The following NIPBL variants were observed in gnomAD, a reference collection of about 807,000 sequenced individuals.
NIPBL encodes the protein NIPBL cohesin loading factor.
In NIPBL, 19 loss-of-function variants were observed where a neutral mutation model predicts 321.8. That is an observed-to-expected ratio of 0.06 (90% CI 0.04 to 0.09). NIPBL has a LOEUF of 0.09. NIPBL is among the 10% of genes least tolerant of loss of function. The pLI is 1.00. For synonymous variants in NIPBL, 1,106 were observed against 1,114.1 expected, an observed-to-expected ratio of 0.99 and a Z score of 0.14; for missense variants, 2,210 against 3,327.0, an observed-to-expected ratio of 0.66 and a Z score of 8.26.
intron 22 of NIPBL, 90 bp from the exon 23 acceptor site, chr5:37,015,948 C>A: frequency 7.5e-7 from 1 of 1,327,894 alleles, no homozygotes; most frequent in Non-Finnish European, 1.1e-6. Context: ...AAAAAGAAAA[C>A]TTAGCTAACA....
At chr5:37,027,872 G>A (rs1166801341) in intron 32 of NIPBL, among the ~76,000 whole-genome samples, 1 of 151,980 alleles carries the variant, frequency 6.6e-6, no homozygotes, top group African/African-American at 2.4e-5. Context: ...GCGTGCCTCG[G>A]CCTCCCAAAG....
In NIPBL at chr5:36,955,764, C is replaced by T. The variant is rs553498177; in HGVS notation, c.230+127C>T. 8.5e-5 allele frequency: 61 copies of T among 718,872 alleles called. 1 individual carries two copies. Among genetic ancestry groups the T allele is most frequent in the Admixed American group, 2.8e-4 (13 of 45,782 alleles). The allele number at this position is 718,872 out of a possible 1,614,324, so 44.5% of individuals were successfully genotyped here. A position where few individuals can be genotyped will look rare whatever the true frequency, so the allele number is the denominator to read the frequency against. ...TTTATTTTTTAAAAATATCCATATC[C>T]GAGGGAGAATATAGTCTTATTGCAA... On this transcript the variant is annotated intron_variant, in intron 3 of 46. Transcript: ENST00000282516.
chr5:37,002,739 A>G lies in NIPBL; in HGVS notation c.3742A>G (p.Ile1248Val), dbSNP rs990243890. ...TGAACTTGGCAGTGAATCTGCTAAA[A>G]TAAAAGCAATGGGTATAATGGATAA... ...LNELGSESAK[I>V]KAMGIMDKLS... The change falls in exon 15 of 47, where the codon ATA (isoleucine) becomes GTA (valine). Residue 1248 changes from isoleucine to valine, a missense_variant. Transcript: ENST00000282516. 2 of 1,603,080 alleles carry G rather than the reference A, an allele frequency of 1.2e-6. No individual in the cohort carries two copies. The highest frequency in any genetic ancestry group is 2.7e-5 in the African/African-American group (2 of 74,692).
Position 37,016,182 on chromosome 5 carries a change from G to T in NIPBL, c.4776+12G>T. ...TAGGGAGACTGTTGGTAAGAGTATA[G>T]CATTTAAAGATTATTAGATTACTAG... On this transcript the variant is annotated intron_variant, in intron 23 of 46. Coordinates refer to ENST00000282516, the MANE Select transcript of NIPBL (RefSeq NM_133433.4). The T allele has an allele frequency of 6.2e-7, 1 of 1,612,630 alleles. No homozygotes were observed. Among genetic ancestry groups the T allele is most frequent in the Non-Finnish European group, 8.5e-7 (1 of 1,178,762 alleles).
chr5:37,005,686 A>G (rs1747347463), intron 16 of NIPBL, among the ~76,000 whole-genome samples: 1 of 152,182 alleles, frequency 6.6e-6, no homozygotes, highest in Admixed American at 6.5e-5. Flanking sequence ...GTAGTCCTGT[A>G]ATATAGTTTA....
At chr5:37,042,535 T>C (rs1752518734) in intron 34 of NIPBL, among the ~76,000 whole-genome samples, 1 of 151,784 alleles carries the variant, frequency 6.6e-6, no homozygotes, top group Non-Finnish European at 1.5e-5. Flanking sequence ...CTCACACCTG[T>C]AATCCCAGCA....
intron 21 of NIPBL, among the ~76,000 whole-genome samples, chr5:37,013,479 T>G (rs1476434624): frequency 6.6e-6 from 1 of 151,136 alleles, no homozygotes; most frequent in Non-Finnish European, 1.5e-5. Flanking sequence ...GAGGGGCTCC[T>G]CACTTCTCAG....
chr5:36,971,122 T>A, intron 7 of NIPBL, 86 bp downstream of exon 7: 1 of 1,039,494 alleles, frequency 9.6e-7, no homozygotes, highest in Non-Finnish European at 1.5e-6. Context: ...ATTTGAATGA[T>A]ACCTACCGTA....
chr5:36,972,906 G>C (rs1013505973), intron 8 of NIPBL, among the ~76,000 whole-genome samples: 1 of 151,888 alleles, frequency 6.6e-6, no homozygotes, highest in Non-Finnish European at 1.5e-5. Context: ...TCTTCCATGG[G>C]CCCTCCCCTA....
intron 1 of NIPBL, among the ~76,000 whole-genome samples, chr5:36,910,824 T>A (rs2149545447): frequency 6.6e-6 from 1 of 152,050 alleles, no homozygotes; most frequent in East Asian, 1.9e-4. Flanking sequence ...GAAGGGAGAG[T>A]GTTAACAAAA....
At chr5:36,931,903 G>A (rs552105519) in intron 1 of NIPBL, among the ~76,000 whole-genome samples, 10 of 151,094 alleles carry the variant, frequency 6.6e-5, no homozygotes, top group East Asian at 1.9e-4. Context: ...ACTGATTCGA[G>A]GCTGTTCTTT....
chr5:36,984,138 C>T (rs1744460286), intron 9 of NIPBL, among the ~76,000 whole-genome samples: 1 of 151,852 alleles, frequency 6.6e-6, no homozygotes, highest in Non-Finnish European at 1.5e-5. Flanking sequence ...TTTTTAAATT[C>T]ATTTTTTCCC....
At chr5:36,961,640 G>C in intron 5 of NIPBL, 57 bp downstream of exon 5, 1 of 1,051,414 alleles carries the variant, frequency 9.5e-7, no homozygotes, top group Non-Finnish European at 1.5e-6. Context: ...ATATGCTGGT[G>C]AATATATGGT....
rs1747949744 is a variant in NIPBL, at chr5:37,010,233, A to G, written c.4560+8A>G. On this transcript the variant is annotated splice_region_variant and intron_variant, in intron 21 of 46. Coordinates refer to ENST00000282516, the MANE Select transcript of NIPBL (RefSeq NM_133433.4). Reference sequence around the variant, plus strand: ...GAAGATTCAAATAAAAAAGTAAGGAATCTATTAAAGGTTTTACAACTGTAC... The same window carrying G: ...GAAGATTCAAATAAAAAAGTAAGGAGTCTATTAAAGGTTTTACAACTGTAC... The G allele has an allele frequency of 1.3e-6, 2 of 1,592,628 alleles. No individual in the cohort carries two copies. Among genetic ancestry groups the G allele is most frequent in the South Asian group, 2.2e-5 (2 of 90,536 alleles).
At chr5:36,979,840 GT>G (rs1274817826) in intron 9 of NIPBL, among the ~76,000 whole-genome samples, 1 of 151,720 alleles carries the variant, frequency 6.6e-6, no homozygotes, top group African/African-American at 2.4e-5. Context: ...AGGATAGCCA[GT>G]TTTGCAGGAA....
At chr5:36,957,161 T>TTAA (rs1460829481) in intron 3 of NIPBL, among the ~76,000 whole-genome samples, 1 of 152,176 alleles carries the variant, frequency 6.6e-6, no homozygotes, top group East Asian at 1.9e-4. Context: ...CTGCCTATAC[T>TTAA]TAATTTTATC....
chr5:36,885,385 C>T (rs927976369), intron 1 of NIPBL: 8 of 454,488 alleles, frequency 1.8e-5, no homozygotes, highest in African/African-American at 1.0e-4. Context: ...GCTTGGGGTC[C>T]AGGGGCCTGG....
At chr5:36,899,407 CTG>C (rs1420368151) in intron 1 of NIPBL, among the ~76,000 whole-genome samples, 1 of 151,898 alleles carries the variant, frequency 6.6e-6, no homozygotes, top group Non-Finnish European at 1.5e-5. Flanking sequence ...AATTGCATCT[CTG>C]TGGAATTTTT....
intron 1 of NIPBL, among the ~76,000 whole-genome samples, chr5:36,945,379 T>C (rs967685563): frequency 2.0e-5 from 3 of 152,206 alleles, no homozygotes; most frequent in Non-Finnish European, 4.4e-5. Flanking sequence ...GTTTTGCTTA[T>C]TGTTTTATTT....
Sources: gnomAD v4.1 joint callset for allele counts (sites outside exome capture counted in the v4.1 genomes callset) on GRCh38, gnomAD v4.1.1 for gene constraint, MANE v1.5 for transcripts, NCBI Gene and HGNC (gene_info 2026-07-23, HGNC 2026-07-21) for gene names.